Variants in PIEZO2 observed in about 807,000 individuals in gnomAD.
The protein encoded by PIEZO2 is piezo-type mechanosensitive ion channel component 2.
A neutral mutation model predicts 337.3 loss-of-function variants in PIEZO2; 172 were observed. The ratio of observed to expected loss-of-function variants is 0.51; its 90% CI spans 0.45 to 0.58. PIEZO2 has a LOEUF of 0.58. Among genes scored for constraint, PIEZO2 ranks in the 20% least tolerant of loss-of-function variants. The pLI is 0.00. For synonymous variants in PIEZO2, 1,251 were observed against 1,228.5 expected (o/e 1.02, Z -0.38); for missense variants, 3,028 against 3,391.3 (o/e 0.89, Z 2.66).
intron 31 of PIEZO2, among the ~76,000 whole-genome samples, chr18:10,742,839 T>A (rs1055576102): frequency 1.6e-4 from 24 of 151,916 alleles, no homozygotes; most frequent in Admixed American, 1.4e-3. Flanking sequence ...TATTCCCATG[T>A]TATTTGGCAC....
intron 5 of PIEZO2, among the ~76,000 whole-genome samples, chr18:10,865,920 G>C (rs1415067889): frequency 2.0e-5 from 3 of 152,158 alleles, no homozygotes; most frequent in Non-Finnish European, 4.4e-5. Context: ...TGGGGTATTT[G>C]TGGTTATTTG....
chr18:11,066,121 T>C lies in PIEZO2; in HGVS notation c.160+6A>G. 1.3e-6 allele frequency: 2 copies of C among 1,526,636 alleles called. No individual in the cohort carries two copies. The highest frequency in any genetic ancestry group is 4.9e-5 in the East Asian group (2 of 40,852). 94.6% of individuals were successfully genotyped at this position (1,526,636 alleles called of 1,614,324 possible). A position where few individuals can be genotyped will look rare whatever the true frequency, so the allele number is the denominator to read the frequency against. On this transcript the variant is annotated splice_donor_region_variant and intron_variant, in intron 2 of 55. Transcript: ENST00000674853. ...TCTGTGGTATACGATAACAAAATTC[T>C]CTTACCTTGCATCGTCGTTTTTGTT... is the stretch of plus-strand genomic sequence containing the variant.
In PIEZO2 at chr18:10,758,205, A is replaced by G. The variant is rs144566750; in HGVS notation, c.3758-71T>C. 6,514 of 1,444,298 alleles carry G rather than the reference A, an allele frequency of 4.5e-3. 22 individuals are homozygous for G. Among genetic ancestry groups the G allele is most frequent in the Non-Finnish European group, 4.9e-3 (5,273 of 1,079,872 alleles). 89.5% of individuals were successfully genotyped at this position (1,444,298 alleles called of 1,614,324 possible). A position where few individuals can be genotyped will look rare whatever the true frequency, so the allele number is the denominator to read the frequency against. Reference sequence around the variant, plus strand: ...GATTTACATAATGCAACACACAGTCATCACACAGCAACAGCCATTCCCCAG... The same window carrying G: ...GATTTACATAATGCAACACACAGTCGTCACACAGCAACAGCCATTCCCCAG... On this transcript the variant is annotated intron_variant, in intron 26 of 55. Coordinates refer to ENST00000674853, the MANE Select transcript of PIEZO2 (RefSeq NM_001378183.1).
chr18:10,723,032 A>ATT (rs2036388112), intron 36 of PIEZO2, among the ~76,000 whole-genome samples: 1 of 131,108 alleles, frequency 7.6e-6, no homozygotes, highest in Non-Finnish European at 1.5e-5. Flanking sequence ...CAATGGCATG[A>ATT]TCTTGGCTCA....
intron 5 of PIEZO2, among the ~76,000 whole-genome samples, chr18:10,857,749 T>C (rs888241568): frequency 6.6e-6 from 1 of 152,242 alleles, no homozygotes; most frequent in Non-Finnish European, 1.5e-5. Flanking sequence ...AGCTGCTTCC[T>C]GTCTCATCCT....
At chr18:10,789,604 C>T (rs903969300) in intron 14 of PIEZO2, among the ~76,000 whole-genome samples, 1 of 152,110 alleles carries the variant, frequency 6.6e-6, no homozygotes, top group Non-Finnish European at 1.5e-5. Flanking sequence ...AATTTATATA[C>T]AAGATCTTTT....
intron 2 of PIEZO2, among the ~76,000 whole-genome samples, chr18:10,981,612 A>T (rs2034669768): frequency 6.6e-6 from 1 of 152,174 alleles, no homozygotes; most frequent in Admixed American, 6.5e-5. Context: ...TGTCAACTTG[A>T]TTGGATTGAA....
At chr18:11,049,159 G>C (rs1337738079) in intron 2 of PIEZO2, among the ~76,000 whole-genome samples, 1 of 152,172 alleles carries the variant, frequency 6.6e-6, no homozygotes, top group Non-Finnish European at 1.5e-5. Flanking sequence ...CTCCTCTTGA[G>C]GGCTTTATCC....
chr18:10,772,615 G>A (rs974619623), intron 20 of PIEZO2, among the ~76,000 whole-genome samples: 2 of 152,170 alleles, frequency 1.3e-5, no homozygotes, highest in Non-Finnish European at 2.9e-5. Flanking sequence ...TTCTACTTTT[G>A]TTAAGGACAG....
rs1043963303 is a variant in PIEZO2, at chr18:10,988,132, C to A, written c.161-8472G>T. 5.3e-5 allele frequency among the ~76,000 whole-genome samples: 8 copies of A among 151,884 alleles called. No individual in the cohort carries two copies. Among genetic ancestry groups the A allele is most frequent in the Non-Finnish European group, 2.9e-5 (2 of 68,012 alleles). ...GAGCTCTCAGGTATAAGATTAGGGT[C>A]TCTATAAGTGTTGAGAAAATGTATT... On this transcript the variant is annotated intron_variant, in intron 2 of 55. Coordinates refer to ENST00000674853, the MANE Select transcript of PIEZO2 (RefSeq NM_001378183.1). The surrounding 1 kb of genome is among the most constrained non-coding windows in gnomAD (Gnocchi z 4.8).
intron 2 of PIEZO2, among the ~76,000 whole-genome samples, chr18:11,053,726 G>C (rs77924246): frequency 6.6e-6 from 1 of 152,130 alleles, no homozygotes; most frequent in Admixed American, 6.5e-5. Flanking sequence ...GTAATATATC[G>C]GGTTAAAAGA....
At position 11,106,418 on chromosome 18, in the gene PIEZO2, CT is replaced by C. The variant is rs539595699; in HGVS notation, c.65-40197del. Among the ~76,000 whole-genome samples, 296 of 129,582 alleles carry C rather than the reference CT, an allele frequency of 2.3e-3. 1 individual carries two copies. The highest frequency in any genetic ancestry group is 5.0e-3 in the African/African-American group (159 of 31,832). The allele number at this position is 129,582 out of a possible 152,430, so 85.0% of individuals were successfully genotyped here. A position where few individuals can be genotyped will look rare whatever the true frequency, so the allele number is the denominator to read the frequency against. On this transcript the variant is annotated intron_variant, in intron 1 of 55. Coordinates refer to ENST00000674853, the MANE Select transcript of PIEZO2 (RefSeq NM_001378183.1). ...CGGCCCATTTTTTTCTTTCCTCTCT[CT>C]TTTTTTTTTTTTTTTTCTGAGACAG...
chr18:10,715,998 G>C (rs1254977027), intron 37 of PIEZO2, among the ~76,000 whole-genome samples, 182 bp from the exon 38 acceptor site: 2 of 152,136 alleles, frequency 1.3e-5, no homozygotes, highest in East Asian at 3.9e-4. Flanking sequence ...GCTTTTGTGG[G>C]GCTTTGCACA....
chr18:10,851,628 G>A (rs747613120), intron 7 of PIEZO2, among the ~76,000 whole-genome samples: 2 of 152,162 alleles, frequency 1.3e-5, no homozygotes, highest in Non-Finnish European at 2.9e-5. Flanking sequence ...TTGGTGCCAT[G>A]TATGAGCTAA....
At chr18:10,881,123 T>C (rs2042408223) in intron 4 of PIEZO2, among the ~76,000 whole-genome samples, 1 of 151,818 alleles carries the variant, frequency 6.6e-6, no homozygotes, top group African/African-American at 2.4e-5. Flanking sequence ...CTTGTTTCTG[T>C]GAAATTAGGT....
intron 30 of PIEZO2, among the ~76,000 whole-genome samples, chr18:10,745,378 C>G (rs886447680): frequency 1.3e-5 from 2 of 152,172 alleles, no homozygotes; most frequent in Non-Finnish European, 2.9e-5. Context: ...AACCGACACA[C>G]GACCACATCC....
chr18:11,034,382 G>A (rs980670021), intron 2 of PIEZO2, among the ~76,000 whole-genome samples: 5 of 150,896 alleles, frequency 3.3e-5, no homozygotes, highest in Admixed American at 2.0e-4. Context: ...TGCAAGCTCC[G>A]CCTCCCAGGT....
intron 3 of PIEZO2, among the ~76,000 whole-genome samples, chr18:10,963,870 C>A (rs1003239470): frequency 6.6e-6 from 1 of 152,050 alleles, no homozygotes; most frequent in African/African-American, 2.4e-5. Context: ...CAGACTTATT[C>A]AGAATCTTTT....
Position 10,682,028 on chromosome 18 carries a change from CA to C in PIEZO2, c.7686+75del. Reference sequence around the variant, plus strand: ...GCAGGGTCGGCAGCCCATGACTAAACACCCTACAGACAGCTATCATAAAGGA... The same window carrying C: ...GCAGGGTCGGCAGCCCATGACTAAACCCCTACAGACAGCTATCATAAAGGA... On this transcript the variant is annotated intron_variant, in intron 50 of 55. Transcript: ENST00000674853. This position sits in a 1 kb window ranked among gnomAD's most constrained non-coding sequence, Gnocchi z 5.6. 7.2e-7 allele frequency: 1 copy of C among 1,383,170 alleles called. No homozygotes were observed. The highest frequency in any genetic ancestry group is 9.6e-7 in the Non-Finnish European group (1 of 1,039,874). The allele number at this position is 1,383,170 out of a possible 1,614,324, so 85.7% of individuals were successfully genotyped here.
Sources: allele counts gnomAD v4.1 joint callset (sites outside exome capture counted in the v4.1 genomes callset), GRCh38; gene constraint gnomAD v4.1.1; non-coding constraint Gnocchi (gnomAD v3.1); transcripts MANE v1.5; gene names NCBI Gene and HGNC (gene_info 2026-07-23, HGNC 2026-07-21).